Variants in SUGCT observed in about 807,000 individuals in gnomAD.
The protein encoded by SUGCT is succinyl-CoA:glutarate CoA-transferase.
In SUGCT, 41 loss-of-function variants were observed where a neutral mutation model predicts 55.0. The observed-to-expected ratio is 0.74, with a 90% CI of 0.58 to 0.97. The LOEUF is 0.97. Ranked by LOEUF, SUGCT falls within the 50% of genes least tolerant of loss-of-function variation. The pLI, the probability that SUGCT is intolerant of heterozygous loss-of-function variation, is 0.00. For synonymous variants in SUGCT, 187 were observed against 200.4 expected (o/e 0.93, Z 0.56); for missense variants, 568 against 547.8 (o/e 1.04, Z -0.37).
chr7:40,543,001 C>T (rs959382243), intron 12 of SUGCT, among the ~76,000 whole-genome samples: 2 of 152,184 alleles, frequency 1.3e-5, no homozygotes, highest in African/African-American at 4.8e-5. Context: ...ATTGCTATGG[C>T]TGTGTCTTAG....
intron 12 of SUGCT, among the ~76,000 whole-genome samples, chr7:40,620,185 G>T (rs1462817305): frequency 6.6e-6 from 1 of 152,128 alleles, no homozygotes; most frequent in East Asian, 1.9e-4. Flanking sequence ...CTTGTTGGGG[G>T]TATTTACACC....
chr7:40,598,279 G>A (rs1306943947), intron 12 of SUGCT, among the ~76,000 whole-genome samples: 1 of 152,146 alleles, frequency 6.6e-6, no homozygotes, highest in Non-Finnish European at 1.5e-5. Context: ...ACCATGGTGG[G>A]CCCCTCTCTA....
chr7:40,665,310 C>T (rs1025759676), intron 12 of SUGCT, among the ~76,000 whole-genome samples: 5 of 150,736 alleles, frequency 3.3e-5, no homozygotes, highest in East Asian at 2.0e-4. Flanking sequence ...AGCATTGTGG[C>T]GTGCGCCTGC....
At chr7:40,879,072 A>G in the SUGCT span, among the ~76,000 whole-genome samples, 1 of 152,132 alleles carries the variant, frequency 6.6e-6, no homozygotes, top group East Asian at 1.9e-4. Context: ...GATTACAGGC[A>G]TGAACCACCG....
intron 1 of SUGCT, among the ~76,000 whole-genome samples, chr7:40,166,844 G>T (rs1445733822): frequency 6.8e-6 from 1 of 147,968 alleles, no homozygotes. Context: ...CCGAGATTGC[G>T]CCACTGCACT....
the SUGCT span, among the ~76,000 whole-genome samples, chr7:40,907,339 G>A: frequency 1.3e-5 from 2 of 152,112 alleles, no homozygotes; most frequent in Non-Finnish European, 2.9e-5. Flanking sequence ...TCTATAAGGG[G>A]TGGTGTGTAA....
At chr7:40,243,843 C>T (rs1373215551) in intron 7 of SUGCT, among the ~76,000 whole-genome samples, 1 of 152,156 alleles carries the variant, frequency 6.6e-6, no homozygotes, top group African/African-American at 2.4e-5. Flanking sequence ...TTATGGCTTA[C>T]ACTGAATCTG....
At chr7:40,344,955 G>C (rs1416906412) in intron 9 of SUGCT, among the ~76,000 whole-genome samples, 4 of 152,128 alleles carry the variant, frequency 2.6e-5, no homozygotes, top group Non-Finnish European at 4.4e-5. Context: ...CAAGGATTAG[G>C]CACATAGTAT....
chr7:40,261,912 A>C (rs547245344), intron 7 of SUGCT, among the ~76,000 whole-genome samples: 1 of 152,348 alleles, frequency 6.6e-6, no homozygotes, highest in African/African-American at 2.4e-5. Context: ...GCATGGAAAG[A>C]TGTAAAATAA....
At chr7:40,626,084 C>CTTGTTCT (rs1396852160) in intron 12 of SUGCT, among the ~76,000 whole-genome samples, 5 of 152,254 alleles carry the variant, frequency 3.3e-5, no homozygotes, top group African/African-American at 1.2e-4. Context: ...AAGGACCCTC[C>CTTGTTCT]TTGTTCTTAA....
At chr7:41,037,740 CT>C in the SUGCT span, among the ~76,000 whole-genome samples, 1,990 of 136,622 alleles carry the variant, frequency 0.015, 35 homozygotes, top group African/African-American at 0.042. Flanking sequence ...CATGTGTGCA[CT>C]TTTTTTTTTT....
chr7:40,220,016 T>C (rs539428555), intron 6 of SUGCT, among the ~76,000 whole-genome samples: 7 of 152,276 alleles, frequency 4.6e-5, no homozygotes, highest in Admixed American at 4.6e-4. Flanking sequence ...TGAAGGCAGT[T>C]TGTACTGTTT....
intron 9 of SUGCT, among the ~76,000 whole-genome samples, chr7:40,377,070 A>C: frequency 7.1e-6 from 1 of 141,744 alleles, no homozygotes; most frequent in African/African-American, 2.6e-5. Flanking sequence ...GTTCACTCAC[A>C]TTTTTCAATC....
At chr7:40,895,637 T>C in the SUGCT span, among the ~76,000 whole-genome samples, 2 of 152,072 alleles carry the variant, frequency 1.3e-5, no homozygotes, top group African/African-American at 4.8e-5. Flanking sequence ...TGAAAAAATT[T>C]CAACATCTTT....
chr7:40,509,561 A>C (rs1222392597), intron 12 of SUGCT, among the ~76,000 whole-genome samples: 1 of 152,128 alleles, frequency 6.6e-6, no homozygotes, highest in African/African-American at 2.4e-5. Flanking sequence ...CAAATGAACA[A>C]AATAATTTTT....
chr7:40,950,291 T>TATGC, the SUGCT span, among the ~76,000 whole-genome samples: 23 of 152,322 alleles, frequency 1.5e-4, no homozygotes, highest in African/African-American at 5.3e-4. Flanking sequence ...GCTTGTGATT[T>TATGC]TTGCACATTG....
intron 6 of SUGCT, among the ~76,000 whole-genome samples, chr7:40,234,782 G>T (rs1788915171): frequency 6.6e-6 from 1 of 152,024 alleles, no homozygotes. Flanking sequence ...AGTGGTGTGT[G>T]CCTGTAGTCC....
At chr7:40,671,762 A>G (rs563749272) in intron 12 of SUGCT, among the ~76,000 whole-genome samples, 1 of 152,292 alleles carries the variant, frequency 6.6e-6, no homozygotes, top group East Asian at 1.9e-4. Context: ...TATAGGAAAG[A>G]TGTCATGTCT....
chr7:40,784,644 C>G (rs936691113), intron 13 of SUGCT, among the ~76,000 whole-genome samples: 1 of 152,010 alleles, frequency 6.6e-6, no homozygotes, highest in African/African-American at 2.4e-5. Flanking sequence ...ATTATGAGTA[C>G]AATGCTAAAA....
Sources: allele counts gnomAD v4.1 joint callset (sites outside exome capture counted in the v4.1 genomes callset), GRCh38; gene constraint gnomAD v4.1.1; transcripts MANE v1.5; gene names NCBI Gene and HGNC (gene_info 2026-07-23, HGNC 2026-07-21).